The following PTPRU variants were observed in gnomAD, a reference collection of about 807,000 sequenced individuals.
PTPRU encodes the protein receptor-type tyrosine-protein phosphatase U.
PTPRU carries 69 observed loss-of-function variants against 166.3 expected under a neutral mutation model. The observed-to-expected ratio is 0.41, with a 90% CI of 0.34 to 0.51. PTPRU has a LOEUF of 0.51. Among genes scored for constraint, PTPRU ranks in the 20% least tolerant of loss-of-function variants. PTPRU has a pLI of 0.09. For missense variants in PTPRU, 1,657 were observed against 2,013.7 expected, an observed-to-expected ratio of 0.82 and a Z score of 3.39; for synonymous variants, 793 against 814.0, an observed-to-expected ratio of 0.97 and a Z score of 0.44.
At chr1:29,256,987 C>T (rs1276156054) in intron 2 of PTPRU, among the ~76,000 whole-genome samples, 1 of 151,928 alleles carries the variant, frequency 6.6e-6, no homozygotes, top group Non-Finnish European at 1.5e-5. Context: ...CTGGTTCTCA[C>T]ATTCTAGGAA....
rs1685565491 is a variant in PTPRU at position 29,271,764 on chromosome 1, CA to C, written c.1145-3683del. On this transcript the variant is annotated intron_variant, in intron 7 of 29. Coordinates refer to ENST00000373779, the MANE Select transcript of PTPRU (RefSeq NM_133178.4). The surrounding 1 kb of genome is among the most constrained non-coding windows in gnomAD (Gnocchi z 4.4). The stretch of plus-strand genomic sequence containing the variant: ...TGTCCTGTTTGCCGTGGTCTTTACC[CA>C]GCATACGTCCCCCGTTTACATGGAA... Among the ~76,000 whole-genome samples the C allele has an allele frequency of 6.6e-6, 1 of 152,180 alleles. No individual in the cohort carries two copies. The highest frequency in any genetic ancestry group is 6.5e-5 in the Admixed American group (1 of 15,270).
At chr1:29,289,746 C>G in intron 14 of PTPRU, 1 of 1,610,700 alleles carries the variant, frequency 6.2e-7, no homozygotes, top group Non-Finnish European at 8.5e-7. Flanking sequence ...GAGTCCCCGG[C>G]CCTGCCTAGG....
chr1:29,272,928 G>GA (rs1039952350), intron 7 of PTPRU, among the ~76,000 whole-genome samples: 3,340 of 122,604 alleles, frequency 0.027, 139 homozygotes, highest in African/African-American at 0.093. Context: ...AAAAAAAAAA[G>GA]AAAAAAAAAT....
intron 15 of PTPRU, among the ~76,000 whole-genome samples, chr1:29,303,356 C>T (rs1030855683): frequency 4.6e-5 from 7 of 152,220 alleles, no homozygotes; most frequent in Admixed American, 6.5e-5. Context: ...GAACTGCCTG[C>T]GCAGGAGAAA....
rs144736857 is a variant in PTPRU, at chr1:29,252,539, A to G, written c.74-2736A>G. On this transcript the variant is annotated intron_variant, in intron 1 of 29. Coordinates refer to ENST00000373779, the MANE Select transcript of PTPRU (RefSeq NM_133178.4). ...TGCCTCGGCCTCCCAAAGTGTTGGG[A>G]TTACAGGTGTGAGCCACCGCGCCTG... Among the ~76,000 whole-genome samples, 580 of 152,128 alleles carry G rather than the reference A, an allele frequency of 3.8e-3. 1 individual carries two copies. Among genetic ancestry groups the G allele is most frequent in the African/African-American group, 0.013 (552 of 41,480 alleles).
chr1:29,321,493 G>A (rs974666213), intron 26 of PTPRU, among the ~76,000 whole-genome samples: 6 of 152,278 alleles, frequency 3.9e-5, no homozygotes, highest in Middle Eastern at 3.4e-3. Flanking sequence ...CATGGCTGGG[G>A]AGGGGCAGAG....
chr1:29,298,586 G>A (rs1439307193), intron 15 of PTPRU, among the ~76,000 whole-genome samples: 1 of 152,172 alleles, frequency 6.6e-6, no homozygotes, highest in Non-Finnish European at 1.5e-5. Context: ...TCCTGCCTGC[G>A]AAAACCCTCA....
At chr1:29,290,063 C>T (rs1203263190) in intron 14 of PTPRU, among the ~76,000 whole-genome samples, 1 of 152,204 alleles carries the variant, frequency 6.6e-6, no homozygotes, top group Non-Finnish European at 1.5e-5. Context: ...ATGTCCTGAC[C>T]TCCAACCAAA....
rs1353647516 is a variant in PTPRU at position 29,302,833 on chromosome 1, G to A, written c.2477-1022G>A. Among the ~76,000 whole-genome samples the A allele has an allele frequency of 2.6e-5, 4 of 152,154 alleles. No individual in the cohort carries two copies. The East Asian group carries it at 7.7e-4, about 29-fold the overall frequency. On this transcript the variant is annotated intron_variant, in intron 15 of 29. Transcript: ENST00000373779. Reference sequence around the variant, plus strand: ...CAAATTTCTGGGATTACAGGTTTGAGCCACCACACCCGGCCCATTTATTAT... The same window carrying A: ...CAAATTTCTGGGATTACAGGTTTGAACCACCACACCCGGCCCATTTATTAT...
At position 29,238,326 on chromosome 1, in the gene PTPRU, C is replaced by G. The variant is rs536246753; in HGVS notation, c.73+1609C>G. ...CTGGGATCCTAGACCGCGGCCCCTT[C>G]CCGCGGAGTTTCGGGGCCCTGCTCC... On this transcript the variant is annotated intron_variant, in intron 1 of 29. Transcript: ENST00000373779. The surrounding 1 kb of genome is among the most constrained non-coding windows in gnomAD (Gnocchi z 6.1). Among the ~76,000 whole-genome samples, 59 of 152,272 alleles carry G rather than the reference C, an allele frequency of 3.9e-4. No homozygotes were observed. The highest frequency in any genetic ancestry group is 1.3e-3 in the African/African-American group (52 of 41,574).
At chr1:29,283,438 A>G (rs1388964398) in intron 12 of PTPRU, among the ~76,000 whole-genome samples, 1 of 147,062 alleles carries the variant, frequency 6.8e-6, no homozygotes, top group Non-Finnish European at 1.5e-5. Flanking sequence ...CTTTCTATCC[A>G]GGTCCCCAGT....
chr1:29,275,813 G>A lies in PTPRU; in HGVS notation c.1453+57G>A. 6.5e-6 allele frequency: 10 copies of A among 1,550,166 alleles called. No individual in the cohort carries two copies. The South Asian group carries it at 1.1e-4, about 18-fold the overall frequency. ...TGTGTACCTCCCACAGATACGCCAT[G>A]TCTGAGACTGAAATTTACTGAGGGT... On this transcript the variant is annotated intron_variant, in intron 8 of 29. Transcript: ENST00000373779.
chr1:29,323,532 G>T (rs772039894), intron 27 of PTPRU, 36 bp downstream of exon 27: 11 of 1,611,710 alleles, frequency 6.8e-6, no homozygotes, highest in Non-Finnish European at 9.3e-6. Context: ...AAGGACCCTG[G>T]GTGGTGGCTG....
chr1:29,322,722 C>T (rs1688213297), intron 26 of PTPRU, among the ~76,000 whole-genome samples: 1 of 152,052 alleles, frequency 6.6e-6, no homozygotes, highest in African/African-American at 2.4e-5. Context: ...TCCTGGGCTT[C>T]AGGCAGAGCT....
At chr1:29,325,403 T>C in intron 29 of PTPRU, 77 bp downstream of exon 29, 7 of 1,559,094 alleles carry the variant, frequency 4.5e-6, no homozygotes, top group Non-Finnish European at 6.2e-6. Flanking sequence ...GCACCCACTC[T>C]CCCATATCTG....
intron 22 of PTPRU, among the ~76,000 whole-genome samples, chr1:29,314,876 GC>G (rs1687828103): frequency 6.6e-6 from 1 of 152,142 alleles, no homozygotes; most frequent in Non-Finnish European, 1.5e-5. Flanking sequence ...ACCGTGCCTG[GC>G]CACGAAGAGT....
intron 18 of PTPRU, chr1:29,307,159 C>T (rs1436885666): frequency 6.2e-7 from 1 of 1,612,062 alleles, no homozygotes; most frequent in Admixed American, 1.7e-5. Context: ...AAGTATCTCT[C>T]TCCCCTTCTC....
rs552347726 is a variant in PTPRU at position 29,317,736 on chromosome 1, C to G, written c.3514-12C>G. The G allele has an allele frequency of 1.9e-6, 3 of 1,600,210 alleles. No individual in the cohort carries two copies. The highest frequency in any genetic ancestry group is 1.3e-5 in the African/African-American group (1 of 74,966). On this transcript the variant is annotated splice_polypyrimidine_tract_variant and intron_variant, in intron 24 of 29. Coordinates refer to ENST00000373779, the MANE Select transcript of PTPRU (RefSeq NM_133178.4). This position sits in a 1 kb window ranked among gnomAD's most constrained non-coding sequence, Gnocchi z 5.6. ...GGACGTAACTCTCTGTCCCCACCCCCGCTCCCTGTAGACGCTGAACTCGGT... is the reference window on the plus strand; with the variant it reads ...GGACGTAACTCTCTGTCCCCACCCCGGCTCCCTGTAGACGCTGAACTCGGT...
At chr1:29,321,290 C>T (rs1207880676) in intron 26 of PTPRU, among the ~76,000 whole-genome samples, 4 of 151,522 alleles carry the variant, frequency 2.6e-5, no homozygotes, top group Admixed American at 2.6e-4. Context: ...ATCCTCCCAC[C>T]TTGGTCTCCC....
Sources: gnomAD v4.1 joint callset for allele counts (sites outside exome capture counted in the v4.1 genomes callset) on GRCh38, gnomAD v4.1.1 for gene constraint, Gnocchi (gnomAD v3.1) non-coding constraint, MANE v1.5 for transcripts, NCBI Gene and HGNC (gene_info 2026-07-23, HGNC 2026-07-21) for gene names.